The following ITGA8 variants were observed in gnomAD, a reference collection of about 807,000 sequenced individuals.
ITGA8 encodes integrin subunit alpha 8.
In ITGA8, 91 loss-of-function variants were observed where a neutral mutation model predicts 142.3. That is an observed-to-expected ratio of 0.64 (90% CI 0.54 to 0.76). The LOEUF is 0.76. Ranked by LOEUF, ITGA8 falls within the 30% of genes least tolerant of loss-of-function variation. The probability of loss-of-function intolerance (pLI) is 0.00; values close to 1 mark genes in which losing one functional copy is unlikely to be tolerated. For missense variants in ITGA8, 1,406 were observed against 1,327.7 expected (o/e 1.06, Z -0.92); for synonymous variants, 505 against 485.2 (o/e 1.04, Z -0.54).
intron 27 of ITGA8, among the ~76,000 whole-genome samples, chr10:15,535,457 A>G (rs897360610): frequency 2.6e-5 from 4 of 152,166 alleles, no homozygotes; most frequent in Non-Finnish European, 4.4e-5. Flanking sequence ...AAATACACCA[A>G]TCGGCACTGT....
At chr10:15,528,841 A>G (rs1310631327) in intron 28 of ITGA8, among the ~76,000 whole-genome samples, 1 of 152,256 alleles carries the variant, frequency 6.6e-6, no homozygotes, top group African/African-American at 2.4e-5. Context: ...ATCACTGGAA[A>G]GAAAAAGAGG....
intron 2 of ITGA8, among the ~76,000 whole-genome samples, chr10:15,699,211 GA>G (rs1341622945): frequency 6.6e-6 from 1 of 152,190 alleles, no homozygotes; most frequent in Non-Finnish European, 1.5e-5. Context: ...TTGAACCTGG[GA>G]AGCAGAGGTT....
chr10:15,546,660 A>G (rs73598795), intron 27 of ITGA8, among the ~76,000 whole-genome samples: 8,341 of 152,010 alleles, frequency 0.055, 742 homozygotes, highest in African/African-American at 0.19. Flanking sequence ...AGAGATTGAG[A>G]AACTCTGCCT....
chr10:15,602,910 A>G (rs1406052710), intron 20 of ITGA8, among the ~76,000 whole-genome samples: 1 of 152,166 alleles, frequency 6.6e-6, no homozygotes, highest in East Asian at 1.9e-4. Context: ...ATCCAACTTC[A>G]CTGTCAACAT....
intron 10 of ITGA8, among the ~76,000 whole-genome samples, chr10:15,658,457 C>T (rs993340826): frequency 3.9e-5 from 6 of 152,188 alleles, no homozygotes; most frequent in South Asian, 2.1e-4. Context: ...CTGTCCCCTC[C>T]GTCCTCAGCT....
chr10:15,557,116 C>T (rs377011458), intron 26 of ITGA8, among the ~76,000 whole-genome samples: 45 of 152,280 alleles, frequency 3.0e-4, no homozygotes, highest in African/African-American at 9.9e-4. Flanking sequence ...CATGGTGGCT[C>T]ATGCCTATAC....
intron 6 of ITGA8, among the ~76,000 whole-genome samples, chr10:15,676,310 G>C (rs1184313446): frequency 1.3e-5 from 2 of 152,166 alleles, no homozygotes; most frequent in African/African-American, 4.8e-5. Context: ...GCAAGAATTA[G>C]AAGACGTAAT....
intron 22 of ITGA8, among the ~76,000 whole-genome samples, chr10:15,591,263 T>C (rs72779963): frequency 0.04 from 6,085 of 152,004 alleles, 363 homozygotes; most frequent in African/African-American, 0.13. Context: ...TAAATAAATA[T>C]AGAAGGCTTT....
chr10:15,655,880 G>T (rs1375458701), intron 10 of ITGA8, among the ~76,000 whole-genome samples: 1 of 152,164 alleles, frequency 6.6e-6, no homozygotes, highest in Non-Finnish European at 1.5e-5. Flanking sequence ...GAGTCCAGGG[G>T]TTCAAGACCA....
intron 10 of ITGA8, among the ~76,000 whole-genome samples, chr10:15,655,880 G>C (rs1375458701): frequency 6.6e-6 from 1 of 152,164 alleles, no homozygotes. Flanking sequence ...GAGTCCAGGG[G>C]TTCAAGACCA....
intron 27 of ITGA8, among the ~76,000 whole-genome samples, chr10:15,537,515 T>C (rs1364792707): frequency 6.6e-6 from 1 of 152,192 alleles, no homozygotes; most frequent in Admixed American, 6.5e-5. Flanking sequence ...CCAAAGCCAC[T>C]CAATTACTAT....
At chr10:15,644,372 A>T (rs1833928778) in intron 12 of ITGA8, 151 bp from the exon 13 acceptor site, 1 of 530,280 alleles carries the variant, frequency 1.9e-6, no homozygotes, top group Admixed American at 3.4e-5. Flanking sequence ...GACTCAAGTG[A>T]TCCTCCTGCC....
intron 27 of ITGA8, among the ~76,000 whole-genome samples, chr10:15,534,828 C>T (rs529107562): frequency 1.3e-5 from 2 of 152,218 alleles, no homozygotes; most frequent in Non-Finnish European, 2.9e-5. Context: ...AGCCCTGGCT[C>T]GCTCTCGGCG....
intron 15 of ITGA8, among the ~76,000 whole-genome samples, chr10:15,613,056 G>T (rs1483353431): frequency 6.6e-6 from 1 of 152,122 alleles, no homozygotes; most frequent in East Asian, 1.9e-4. Context: ...AGCTACTCAG[G>T]AGGCTGAGAC....
chr10:15,616,830 C>T (rs1833401999), intron 13 of ITGA8, among the ~76,000 whole-genome samples: 1 of 152,154 alleles, frequency 6.6e-6, no homozygotes, highest in African/African-American at 2.4e-5. Flanking sequence ...CATCACTTTT[C>T]CTATCCTTCA....
intron 13 of ITGA8, among the ~76,000 whole-genome samples, chr10:15,633,806 G>C (rs1833724714): frequency 6.6e-6 from 1 of 152,210 alleles, no homozygotes; most frequent in South Asian, 2.1e-4. Flanking sequence ...ATATCACTAA[G>C]TCAAATCATT....
At chr10:15,532,494 T>C (rs1311940419) in intron 27 of ITGA8, among the ~76,000 whole-genome samples, 1 of 145,964 alleles carries the variant, frequency 6.9e-6, no homozygotes, top group Non-Finnish European at 1.5e-5. Flanking sequence ...ATCACCCCAG[T>C]TAAGAACCAC....
At chr10:15,573,863 C>G (rs1402782123) in intron 24 of ITGA8, among the ~76,000 whole-genome samples, 1 of 151,714 alleles carries the variant, frequency 6.6e-6, no homozygotes, top group East Asian at 1.9e-4. Flanking sequence ...TTACTGCTAG[C>G]ATTGACTTTA....
At chr10:15,549,194 C>CTG (rs1182929754) in intron 26 of ITGA8, among the ~76,000 whole-genome samples, 1 of 79,082 alleles carries the variant, frequency 1.3e-5, no homozygotes, top group African/African-American at 5.5e-5. Context: ...TTTTTCTTTT[C>CTG]TTTTCTGTTT....
Sources: allele counts gnomAD v4.1 joint callset (sites outside exome capture counted in the v4.1 genomes callset), GRCh38; gene constraint gnomAD v4.1.1; transcripts MANE v1.5; gene names NCBI Gene and HGNC (gene_info 2026-07-23, HGNC 2026-07-21).